TSHZ2: variants seen among roughly 807,000 people sequenced by gnomAD.
TSHZ2 encodes the protein teashirt zinc finger homeobox 2, also known as teashirt homolog 2.
In TSHZ2, 21 loss-of-function variants were observed where a neutral mutation model predicts 74.4. That is an observed-to-expected ratio of 0.28 (90% CI 0.20 to 0.41). TSHZ2 has a LOEUF of 0.41. Ranked by LOEUF, TSHZ2 falls within the 10% of genes least tolerant of loss-of-function variation. The probability of loss-of-function intolerance (pLI) is 1.00; values close to 1 mark genes in which losing one functional copy is unlikely to be tolerated. For synonymous variants in TSHZ2, 540 were observed against 515.3 expected (o/e 1.05, Z -0.65); for missense variants, 1,244 against 1,293.5 (o/e 0.96, Z 0.59).
intron 1 of TSHZ2, among the ~76,000 whole-genome samples, chr20:53,182,042 C>T (rs1988481762): frequency 6.6e-6 from 1 of 152,036 alleles, no homozygotes; most frequent in Non-Finnish European, 1.5e-5. Context: ...CCATGTTGCC[C>T]CATCAAACAC....
At chr20:53,472,781 C>A (rs931493235) in intron 2 of TSHZ2, among the ~76,000 whole-genome samples, 1 of 150,542 alleles carries the variant, frequency 6.6e-6, no homozygotes, top group East Asian at 2.0e-4. Flanking sequence ...AGACAGTGGG[C>A]GCAGGTCAGT....
At chr20:53,426,211 A>G (rs979262989) in intron 2 of TSHZ2, among the ~76,000 whole-genome samples, 1 of 152,212 alleles carries the variant, frequency 6.6e-6, no homozygotes, top group African/African-American at 2.4e-5. Context: ...CTTCCTGGTT[A>G]AAAAATAAAA....
chr20:52,994,431 TG>T (rs1982101711), intron 1 of TSHZ2, among the ~76,000 whole-genome samples: 2 of 150,036 alleles, frequency 1.3e-5, no homozygotes, highest in African/African-American at 4.9e-5. Context: ...GATGGATGGA[TG>T]GATGAGTGAA....
intron 1 of TSHZ2, among the ~76,000 whole-genome samples, chr20:53,016,982 G>A (rs1179558315): frequency 6.6e-6 from 1 of 152,064 alleles, no homozygotes; most frequent in African/African-American, 2.4e-5. Context: ...TCTCTACCAT[G>A]GACTTGGAGG....
chr20:53,168,827 A>G (rs543025819), intron 1 of TSHZ2: 2 of 152,250 alleles, frequency 1.3e-5, no homozygotes, highest in East Asian at 3.9e-4. Context: ...CCCATTGGCC[A>G]GAAACTGGGA....
chr20:53,001,590 G>GA (rs1421730121), intron 1 of TSHZ2, among the ~76,000 whole-genome samples: 2 of 152,070 alleles, frequency 1.3e-5, no homozygotes, highest in Non-Finnish European at 2.9e-5. Context: ...ATAAGGAAGC[G>GA]AAAAAATCAC....
intron 1 of TSHZ2, among the ~76,000 whole-genome samples, chr20:53,210,541 CTGCCG>C (rs1347449871): frequency 6.6e-6 from 1 of 151,946 alleles, no homozygotes; most frequent in Non-Finnish European, 1.5e-5. Context: ...CTCTCTTTCT[CTGCCG>C]TGCCATTCCA....
intron 2 of TSHZ2, among the ~76,000 whole-genome samples, chr20:53,422,972 C>T (rs1435888792): frequency 2.6e-5 from 4 of 152,138 alleles, no homozygotes; most frequent in African/African-American, 7.2e-5. Context: ...CTCCTCAATG[C>T]GTTCTTAGTC....
intron 1 of TSHZ2, among the ~76,000 whole-genome samples, chr20:53,168,318 T>C (rs1043998933): frequency 2.0e-5 from 3 of 152,214 alleles, no homozygotes; most frequent in African/African-American, 7.2e-5. Context: ...GACATTGTTC[T>C]ATGTCCCCTA....
intron 2 of TSHZ2, among the ~76,000 whole-genome samples, chr20:53,425,472 T>C (rs770900827): frequency 7.2e-5 from 11 of 152,248 alleles, no homozygotes; most frequent in Non-Finnish European, 1.2e-4. Context: ...AAACTAAAAA[T>C]TTACATCTGA....
At position 53,171,359 on chromosome 20, in the gene TSHZ2, G is replaced by C. The variant is rs75817264; in HGVS notation, c.41-82140G>C. On this transcript the variant is annotated intron_variant, in intron 1 of 2. Transcript: ENST00000371497. Reference sequence around the variant, plus strand: ...TCGCACATTTCAGACAGTGTGCATTGTTTTATTATCTAATCCACATGCTTT... The same window carrying C: ...TCGCACATTTCAGACAGTGTGCATTCTTTTATTATCTAATCCACATGCTTT... 4.2e-3 allele frequency among the ~76,000 whole-genome samples: 632 copies of C among 152,278 alleles called. 3 individuals carry two copies. Among genetic ancestry groups the C allele is most frequent in the African/African-American group, 0.014 (598 of 41,572 alleles).
intron 1 of TSHZ2, among the ~76,000 whole-genome samples, chr20:53,057,331 C>T (rs1303007026): frequency 2.0e-5 from 3 of 152,036 alleles, no homozygotes; most frequent in African/African-American, 4.8e-5. Context: ...TGTGTTTGAC[C>T]GAACTTGAAT....
chr20:53,373,750 G>A (rs1214609776), intron 2 of TSHZ2, among the ~76,000 whole-genome samples: 1 of 152,174 alleles, frequency 6.6e-6, no homozygotes, highest in Non-Finnish European at 1.5e-5. Flanking sequence ...TTTTTATAAA[G>A]TCAGAGCTAC....
chr20:53,315,774 A>G (rs1978979748), intron 2 of TSHZ2, among the ~76,000 whole-genome samples: 1 of 152,242 alleles, frequency 6.6e-6, no homozygotes, highest in Admixed American at 6.5e-5. Flanking sequence ...GATAATAAAT[A>G]AATAACTAAT....
chr20:53,256,447 A>G lies in TSHZ2; in HGVS notation c.2989A>G (p.Lys997Glu), dbSNP rs369264533. 19 of 1,614,084 alleles carry G rather than the reference A, an allele frequency of 1.2e-5. No homozygotes were observed. The highest frequency in any genetic ancestry group is 1.5e-5 in the Non-Finnish European group (18 of 1,180,008). ...GGACACAGACTCTAAATTCAAGTGT[A>G]AGTTGTGCTGTCGGACATTTGTGAG... ...EEDTDSKFKCKLCCRTFVSKH... is the reference protein window; with the variant it reads ...EEDTDSKFKCELCCRTFVSKH... Residue 997 changes from lysine (K) to glutamate (E), a missense_variant, in exon 2 of 3, where the codon AAG (lysine) becomes GAG (glutamate). Coordinates refer to ENST00000371497, the MANE Select transcript of TSHZ2 (RefSeq NM_173485.6). This position sits in a 1 kb window ranked among gnomAD's most constrained non-coding sequence, Gnocchi z 4.3.
intron 2 of TSHZ2, among the ~76,000 whole-genome samples, chr20:53,380,347 A>G (rs1279672695): frequency 1.3e-5 from 2 of 152,182 alleles, no homozygotes; most frequent in East Asian, 3.8e-4. Context: ...ATAAAAATAT[A>G]CTCAATACAT....
intron 1 of TSHZ2, among the ~76,000 whole-genome samples, chr20:53,003,973 G>A (rs1214836891): frequency 6.6e-6 from 1 of 151,458 alleles, no homozygotes; most frequent in Non-Finnish European, 1.5e-5. Context: ...TGTTCTAGAA[G>A]CTTCAGTGTC....
intron 1 of TSHZ2, among the ~76,000 whole-genome samples, chr20:53,165,120 G>A (rs1240220907): frequency 6.6e-6 from 1 of 152,096 alleles, no homozygotes; most frequent in Non-Finnish European, 1.5e-5. Flanking sequence ...TGGATGGATG[G>A]ATGGGTGGAT....
intron 1 of TSHZ2, among the ~76,000 whole-genome samples, chr20:53,144,865 A>G (rs1987501722): frequency 6.6e-6 from 1 of 151,484 alleles, no homozygotes; most frequent in African/African-American, 2.4e-5. Context: ...AATAATATAT[A>G]AAATACAATG....
Sources: allele counts gnomAD v4.1 joint callset (sites outside exome capture counted in the v4.1 genomes callset), GRCh38; gene constraint gnomAD v4.1.1; non-coding constraint Gnocchi (gnomAD v3.1); transcripts MANE v1.5; gene names NCBI Gene and HGNC (gene_info 2026-07-23, HGNC 2026-07-21).